The following MAF variants were observed in gnomAD, a reference collection of about 807,000 sequenced individuals.
The protein encoded by MAF is transcription factor Maf.
In MAF, 10 loss-of-function variants were observed where a neutral mutation model predicts 22.0. That is an observed-to-expected ratio of 0.45 (90% CI 0.28 to 0.77). The LOEUF (loss-of-function observed/expected upper bound fraction) is 0.77. MAF is among the 30% of genes least tolerant of loss of function. The pLI is 0.12. For synonymous variants in MAF, 337 were observed against 255.8 expected (o/e 1.32, Z -3.03); for missense variants, 544 against 548.4 (o/e 0.99, Z 0.08).
chr16:79,293,837 A>AGAG, the MAF span, among the ~76,000 whole-genome samples: 1 of 148,324 alleles, frequency 6.7e-6, no homozygotes, highest in African/African-American at 2.5e-5. Flanking sequence ...TCTAAATGAA[A>AGAG]AGAGAGAGAG....
chr16:79,510,456 G>C, the MAF span, among the ~76,000 whole-genome samples: 1 of 152,174 alleles, frequency 6.6e-6, no homozygotes, highest in Non-Finnish European at 1.5e-5. Context: ...AACAGCCTCT[G>C]CTTCTTTCGA....
At chr16:79,268,505 A>C in the MAF span, among the ~76,000 whole-genome samples, 3 of 152,290 alleles carry the variant, frequency 2.0e-5, no homozygotes, top group Admixed American at 1.3e-4. Context: ...AACGTAATAT[A>C]GGTTAGCAAT....
At chr16:79,224,048 A>G in the MAF span, among the ~76,000 whole-genome samples, 1 of 152,172 alleles carries the variant, frequency 6.6e-6, no homozygotes, top group Admixed American at 6.5e-5. Flanking sequence ...CCTGGCAGAG[A>G]CACAACAAAA....
At chr16:79,450,246 T>G in the MAF span, among the ~76,000 whole-genome samples, 31 of 152,178 alleles carry the variant, frequency 2.0e-4, no homozygotes, top group Admixed American at 2.0e-3. Context: ...ATTTATAAAA[T>G]TGTGATTGTT....
At chr16:79,485,309 T>G in the MAF span, among the ~76,000 whole-genome samples, 1 of 152,232 alleles carries the variant, frequency 6.6e-6, no homozygotes, top group Non-Finnish European at 1.5e-5. Context: ...GTAAATATGT[T>G]AAGATACTCA....
the MAF span, among the ~76,000 whole-genome samples, chr16:79,284,904 C>A: frequency 4.6e-5 from 7 of 152,294 alleles, no homozygotes; most frequent in East Asian, 3.9e-4. Context: ...AGCTCTCCCC[C>A]CAGCCAACAG....
the MAF span, chr16:79,203,501 T>C: frequency 6.6e-6 from 1 of 151,998 alleles, no homozygotes; most frequent in African/African-American, 2.4e-5. Context: ...TTGTGTTTTT[T>C]TTTTTTTTTT....
At chr16:79,558,311 G>C in the MAF span, among the ~76,000 whole-genome samples, 2 of 152,076 alleles carry the variant, frequency 1.3e-5, no homozygotes, top group African/African-American at 2.4e-5. Flanking sequence ...AGAAGGAAGG[G>C]AGGGAGGCAA....
chr16:79,505,295 T>C, the MAF span, among the ~76,000 whole-genome samples: 7 of 152,220 alleles, frequency 4.6e-5, no homozygotes, highest in African/African-American at 1.7e-4. Context: ...CCTGCCCCAG[T>C]GTTCCTCTAC....
the MAF span, among the ~76,000 whole-genome samples, chr16:79,527,454 T>C: frequency 6.6e-6 from 1 of 152,158 alleles, no homozygotes; most frequent in Middle Eastern, 3.2e-3. Context: ...GAGGATAAAT[T>C]CCCACTAGAG....
the MAF span, among the ~76,000 whole-genome samples, chr16:79,412,237 A>T: frequency 1.3e-5 from 2 of 152,196 alleles, no homozygotes; most frequent in Admixed American, 1.3e-4. Context: ...ACAAGTTCAC[A>T]ACGGTGAGGT....
chr16:79,357,084 C>T, the MAF span, among the ~76,000 whole-genome samples: 1 of 152,092 alleles, frequency 6.6e-6, no homozygotes, highest in Non-Finnish European at 1.5e-5. Flanking sequence ...TGGTGAAACC[C>T]CATCTCTACT....
chr16:79,339,007 G>A, the MAF span, among the ~76,000 whole-genome samples: 1 of 151,874 alleles, frequency 6.6e-6, no homozygotes, highest in South Asian at 2.1e-4. Context: ...GAAGGTGAAT[G>A]TAATGTTGTG....
the MAF span, among the ~76,000 whole-genome samples, chr16:79,391,889 G>GAA: frequency 3.9e-5 from 3 of 76,300 alleles, no homozygotes; most frequent in African/African-American, 3.3e-5. Flanking sequence ...AGGAGGAGGA[G>GAA]GAGGAGGAGC....
the MAF span, among the ~76,000 whole-genome samples, chr16:79,209,632 G>C: frequency 6.6e-6 from 1 of 152,126 alleles, no homozygotes; most frequent in South Asian, 2.1e-4. Context: ...GAAAATATAT[G>C]ACAGATATCT....
At chr16:79,439,214 C>A in the MAF span, among the ~76,000 whole-genome samples, 2 of 151,866 alleles carry the variant, frequency 1.3e-5, no homozygotes, top group Non-Finnish European at 2.9e-5. Flanking sequence ...TGCACAAGTC[C>A]ACCTCTTTCA....
chr16:79,300,554 A>AAAACAAACAAAC, the MAF span, among the ~76,000 whole-genome samples: 39 of 151,246 alleles, frequency 2.6e-4, no homozygotes, highest in African/African-American at 9.0e-4. Context: ...ACTCCATCTC[A>AAAACAAACAAAC]AAACAAACAA....
chr16:79,267,827 C>G, the MAF span, among the ~76,000 whole-genome samples: 1 of 152,058 alleles, frequency 6.6e-6, no homozygotes, highest in East Asian at 1.9e-4. Context: ...CTGGAGGGAG[C>G]TTCCTAAGTG....
chr16:79,349,105 T>C, the MAF span, among the ~76,000 whole-genome samples: 6 of 152,352 alleles, frequency 3.9e-5, no homozygotes, highest in East Asian at 9.7e-4. Context: ...TTGCTAATTC[T>C]CATAACTTCA....
Sources: allele counts gnomAD v4.1 joint callset (sites outside exome capture counted in the v4.1 genomes callset), GRCh38; gene constraint gnomAD v4.1.1; transcripts MANE v1.5; gene names NCBI Gene and HGNC (gene_info 2026-07-23, HGNC 2026-07-21).